The following APLF variants were observed in gnomAD, a reference collection of about 807,000 sequenced individuals.
APLF encodes the protein aprataxin and PNK-like factor.
APLF carries 61 observed loss-of-function variants against 55.6 expected under a neutral mutation model. That is an observed-to-expected ratio of 1.10 (90% CI 0.89 to 1.36). The LOEUF (loss-of-function observed/expected upper bound fraction) is 1.36. Ranked by LOEUF, APLF falls within the 40% of genes most tolerant of loss-of-function variation. APLF has a pLI of 0.00. For missense variants in APLF, 611 were observed against 602.5 expected (o/e 1.01, Z -0.15); for synonymous variants, 207 against 214.8 (o/e 0.96, Z 0.32).
intron 8 of APLF, among the ~76,000 whole-genome samples, chr2:68,565,425 A>C (rs560936524): frequency 6.6e-6 from 1 of 151,850 alleles, no homozygotes; most frequent in Admixed American, 6.6e-5. Context: ...TGTGCCCTGC[A>C]CTCTAGCCTG....
chr2:68,558,058 ATAT>A (rs1671063257), intron 8 of APLF, among the ~76,000 whole-genome samples: 1 of 152,316 alleles, frequency 6.6e-6, no homozygotes, highest in African/African-American at 2.4e-5. Context: ...ACTATCTTAA[ATAT>A]TAATCACTTG....
chr2:68,479,065 C>G (rs1248824127), intron 1 of APLF, among the ~76,000 whole-genome samples: 2 of 152,150 alleles, frequency 1.3e-5, no homozygotes, highest in Non-Finnish European at 2.9e-5. Context: ...CCCAGAGCCC[C>G]ATGAGTTGAG....
Position 68,578,837 on chromosome 2 carries a change from G to C in APLF, c.*815G>C. The stretch of plus-strand genomic sequence containing the variant: ...TTTTGCCTTAGTTTTTTTGACCTCA[G>C]ATGAAAGTAGCAAGTTGTTTGCCAG... On this transcript the variant is annotated 3_prime_UTR_variant, in exon 10 of 10. Transcript: ENST00000303795. The C allele has an allele frequency of 1.0e-6, 1 of 985,200 alleles. No homozygotes were observed. The highest frequency in any genetic ancestry group is 1.2e-6 in the Non-Finnish European group (1 of 829,858). 61.0% of individuals were successfully genotyped at this position (985,200 alleles called of 1,614,324 possible).
rs1266525439 is a variant in APLF, at chr2:68,517,047, C to A, written c.622+3367C>A. Among the ~76,000 whole-genome samples, 14 of 119,318 alleles carry A rather than the reference C, an allele frequency of 1.2e-4. No homozygotes were observed. The East Asian group carries it at 2.9e-3, about 25-fold the overall frequency. The allele number at this position is 119,318 out of a possible 152,430, so 78.3% of individuals were successfully genotyped here. A position where few individuals can be genotyped will look rare whatever the true frequency, so the allele number is the denominator to read the frequency against. On this transcript the variant is annotated intron_variant, in intron 5 of 9. Coordinates refer to ENST00000303795, the MANE Select transcript of APLF (RefSeq NM_173545.3). ...TATATTAATATATAATATATAATAA[C>A]ATGTTATTAATATATAACATGTTAA... is the stretch of plus-strand genomic sequence containing the variant.
chr2:68,539,684 T>C (rs568748808), intron 7 of APLF, among the ~76,000 whole-genome samples: 1 of 152,294 alleles, frequency 6.6e-6, no homozygotes, highest in African/African-American at 2.4e-5. Flanking sequence ...AAAAGTCATA[T>C]GATAAAATTC....
intron 8 of APLF, among the ~76,000 whole-genome samples, chr2:68,551,358 C>G (rs1191638634): frequency 6.6e-5 from 10 of 152,030 alleles, no homozygotes; most frequent in Non-Finnish European, 1.2e-4. Context: ...TGGGGGTTCA[C>G]TGAGCTTTTT....
At chr2:68,555,260 C>A (rs1411465286) in intron 8 of APLF, among the ~76,000 whole-genome samples, 1 of 152,056 alleles carries the variant, frequency 6.6e-6, no homozygotes, top group Non-Finnish European at 1.5e-5. Flanking sequence ...ACAAGGATTT[C>A]ATAACCAAAA....
intron 3 of APLF, among the ~76,000 whole-genome samples, chr2:68,511,958 A>C (rs192868552): frequency 1.2e-4 from 18 of 151,824 alleles, no homozygotes; most frequent in African/African-American, 4.3e-4. Context: ...GAAATACTAA[A>C]ACGAACAAAT....
intron 8 of APLF, among the ~76,000 whole-genome samples, chr2:68,560,749 AG>A (rs1233944787): frequency 6.6e-6 from 1 of 152,082 alleles, no homozygotes; most frequent in East Asian, 1.9e-4. Flanking sequence ...TTTGAGAAAA[AG>A]GTTGATGTAA....
In APLF at chr2:68,516,867, ATTATATATAATG is replaced by A. The variant is rs1309019835; in HGVS notation, c.622+3199_622+3210del. Reference sequence around the variant, plus strand: ...ACGTTTTATATATATAATATATATAATTATATATAATGTTATATATAATATAATAATATATTA... The same window carrying A: ...ACGTTTTATATATATAATATATATAATTATATATAATATAATAATATATTA... On this transcript the variant is annotated intron_variant, in intron 5 of 9. Coordinates refer to ENST00000303795, the MANE Select transcript of APLF (RefSeq NM_173545.3). 3.0e-5 allele frequency among the ~76,000 whole-genome samples: 4 copies of A among 135,484 alleles called. No homozygotes were observed. In the East Asian group the frequency reaches 8.0e-4, roughly 27 times the overall value. 88.9% of individuals were successfully genotyped at this position (135,484 alleles called of 152,430 possible).
At chr2:68,483,692 T>C (rs1430823442) in intron 1 of APLF, among the ~76,000 whole-genome samples, 1 of 152,154 alleles carries the variant, frequency 6.6e-6, no homozygotes, top group Non-Finnish European at 1.5e-5. Flanking sequence ...AAATAATTTG[T>C]ACTATAATAT....
intron 2 of APLF, among the ~76,000 whole-genome samples, chr2:68,494,487 CTT>C (rs906194601): frequency 6.7e-6 from 1 of 148,860 alleles, no homozygotes; most frequent in Non-Finnish European, 1.5e-5. Context: ...GTGCCACACA[CTT>C]TTTTTTTTCT....
chr2:68,576,846 A>G (rs1671638145), intron 9 of APLF, among the ~76,000 whole-genome samples: 1 of 152,108 alleles, frequency 6.6e-6, no homozygotes, highest in Non-Finnish European at 1.5e-5. Context: ...TAACCTATAC[A>G]TTTGCTGTTC....
chr2:68,478,767 T>G lies in APLF; in HGVS notation c.96+10940T>G, dbSNP rs571227694. Among the ~76,000 whole-genome samples, 4 of 152,126 alleles carry G rather than the reference T, an allele frequency of 2.6e-5. No homozygotes were observed. In the East Asian group the frequency reaches 7.7e-4, roughly 29 times the overall value. ...GACAGTTATTAGTAAGGAAGAGAAGTGAGCACTGGGATTTAAGGCAGGAAA... is the reference window on the plus strand; with the variant it reads ...GACAGTTATTAGTAAGGAAGAGAAGGGAGCACTGGGATTTAAGGCAGGAAA... On this transcript the variant is annotated intron_variant, in intron 1 of 9. Coordinates refer to ENST00000303795, the MANE Select transcript of APLF (RefSeq NM_173545.3).
chr2:68,576,217 A>C lies in APLF; in HGVS notation c.1334-1603A>C, dbSNP rs141379247. On this transcript the variant is annotated intron_variant, in intron 9 of 9. Transcript: ENST00000303795. ...AAAGTTATGTGTATAAGGTATTTCC[A>C]AGAGGAAAATAGACAAAAATAGAGA... 8.5e-3 allele frequency among the ~76,000 whole-genome samples: 1,293 copies of C among 152,276 alleles called. 17 individuals are homozygous for C. The highest frequency in any genetic ancestry group is 0.029 in the African/African-American group (1,226 of 41,566).
Position 68,467,624 on chromosome 2 carries a change from C to G in APLF, c.-108C>G. ...AGCCGCGGGGAGCCTTTGAGGCCCT[C>G]CCTCGGTGTTTTTTCCCAGGGCGTG... is the stretch of plus-strand genomic sequence containing the variant. On this transcript the variant is annotated 5_prime_UTR_variant, in exon 1 of 10. Coordinates refer to ENST00000303795, the MANE Select transcript of APLF (RefSeq NM_173545.3). The G allele has an allele frequency of 3.2e-6, 3 of 940,714 alleles. No homozygotes were observed. Among genetic ancestry groups the G allele is most frequent in the Non-Finnish European group, 4.2e-6 (3 of 720,452 alleles). The allele number at this position is 940,714 out of a possible 1,614,324, so 58.3% of individuals were successfully genotyped here.
At chr2:68,524,061 A>C (rs940439104) in intron 5 of APLF, among the ~76,000 whole-genome samples, 1 of 151,980 alleles carries the variant, frequency 6.6e-6, no homozygotes, top group African/African-American at 2.4e-5. Flanking sequence ...TTTGTGTAGA[A>C]GCTGTGTCTT....
At chr2:68,518,275 A>C (rs1485111980) in intron 5 of APLF, among the ~76,000 whole-genome samples, 1 of 116,626 alleles carries the variant, frequency 8.6e-6, no homozygotes, top group East Asian at 2.4e-4. Flanking sequence ...ATAATATATC[A>C]GTATATAATA....
chr2:68,482,779 G>T (rs1350485977), intron 1 of APLF, among the ~76,000 whole-genome samples: 8 of 152,142 alleles, frequency 5.3e-5, no homozygotes, highest in Non-Finnish European at 1.2e-4. Context: ...TGGGGGTATG[G>T]ACACACAATG....
Sources: allele counts gnomAD v4.1 joint callset (sites outside exome capture counted in the v4.1 genomes callset), GRCh38; gene constraint gnomAD v4.1.1; transcripts MANE v1.5; gene names NCBI Gene and HGNC (gene_info 2026-07-23, HGNC 2026-07-21).